Variants in GRIA2 observed in about 807,000 individuals in gnomAD.
The protein encoded by GRIA2 is glutamate ionotropic receptor AMPA type subunit 2, also known as glutamate receptor 2.
GRIA2 carries 14 observed loss-of-function variants against 97.3 expected under a neutral mutation model. The ratio of observed to expected loss-of-function variants is 0.14; its 90% confidence interval spans 0.10 to 0.23. The LOEUF (loss-of-function observed/expected upper bound fraction) is 0.23. GRIA2 is among the 10% of genes least tolerant of loss of function. GRIA2 has a pLI of 1.00. For synonymous variants in GRIA2, 412 were observed against 387.8 expected, an observed-to-expected ratio of 1.06 and a Z score of -0.73; for missense variants, 558 against 1,069.8, an observed-to-expected ratio of 0.52 and a Z score of 6.67.
intron 12 of GRIA2, among the ~76,000 whole-genome samples, chr4:157,353,133 A>C (rs1736090516): frequency 6.6e-6 from 1 of 151,724 alleles, no homozygotes; most frequent in South Asian, 2.1e-4. Flanking sequence ...TGGGTGGATC[A>C]CCTGAGGTCG....
chr4:157,272,476 T>C (rs1732077736), intron 2 of GRIA2, among the ~76,000 whole-genome samples: 1 of 151,888 alleles, frequency 6.6e-6, no homozygotes. Flanking sequence ...TGGACTGTAA[T>C]TGAAAAATTG....
chr4:157,221,857 C>A (rs763718575), intron 2 of GRIA2, 50 bp downstream of exon 2: 5 of 1,562,922 alleles, frequency 3.2e-6, no homozygotes, highest in Admixed American at 1.7e-5. Context: ...GGAAGGCCAG[C>A]GAGTGTGAGT....
At chr4:157,259,025 C>T (rs929592297) in intron 2 of GRIA2, among the ~76,000 whole-genome samples, 8 of 152,050 alleles carry the variant, frequency 5.3e-5, no homozygotes, top group African/African-American at 1.4e-4. Context: ...AGTTCGAGAC[C>T]AGCCTGGGTA....
At chr4:157,320,919 C>T (rs1734533037) in intron 5 of GRIA2, among the ~76,000 whole-genome samples, 1 of 151,950 alleles carries the variant, frequency 6.6e-6, no homozygotes, top group Non-Finnish European at 1.5e-5. Context: ...AAATTAGCTT[C>T]TGGCTGAATG....
At chr4:157,307,569 T>A (rs1733897272) in intron 3 of GRIA2, among the ~76,000 whole-genome samples, 1 of 152,184 alleles carries the variant, frequency 6.6e-6, no homozygotes, top group Admixed American at 6.5e-5. Context: ...ATTCAACACA[T>A]TTTTAACAAT....
chr4:157,351,123 C>T (rs1426447346), intron 12 of GRIA2, among the ~76,000 whole-genome samples: 1 of 151,970 alleles, frequency 6.6e-6, no homozygotes, highest in Non-Finnish European at 1.5e-5. Flanking sequence ...CTGTTGAAAT[C>T]AGCATTTGTA....
chr4:157,269,185 G>T (rs760169469), intron 2 of GRIA2, among the ~76,000 whole-genome samples: 25 of 151,852 alleles, frequency 1.6e-4, no homozygotes, highest in Non-Finnish European at 3.1e-4. Context: ...ACATGGAAAA[G>T]AAGATGAAAA....
intron 2 of GRIA2, among the ~76,000 whole-genome samples, chr4:157,247,640 AGGGTTATTTCGG>A (rs1730791310): frequency 6.6e-6 from 1 of 152,092 alleles, no homozygotes; most frequent in Admixed American, 6.5e-5. Context: ...TTCTGGCTGG[AGGGTTATTTCGG>A]GGGAGGCAGT....
chr4:157,250,327 G>A (rs1730965773), intron 2 of GRIA2, among the ~76,000 whole-genome samples: 1 of 152,058 alleles, frequency 6.6e-6, no homozygotes, highest in African/African-American at 2.4e-5. Context: ...TATCTTAGGA[G>A]ACTAATGCCA....
At chr4:157,351,025 T>C (rs2126971792) in intron 12 of GRIA2, among the ~76,000 whole-genome samples, 1 of 151,820 alleles carries the variant, frequency 6.6e-6, no homozygotes, top group Admixed American at 6.6e-5. Flanking sequence ...ATTTGAAATA[T>C]TTGTCATGTA....
At chr4:157,338,595 T>A (rs1442430303) in intron 11 of GRIA2, among the ~76,000 whole-genome samples, 1 of 152,098 alleles carries the variant, frequency 6.6e-6, no homozygotes, top group Admixed American at 6.6e-5. Flanking sequence ...TCTGTGCTTT[T>A]GATTTCATTC....
At chr4:157,279,804 GT>G (rs953925467) in intron 2 of GRIA2, among the ~76,000 whole-genome samples, 8 of 152,154 alleles carry the variant, frequency 5.3e-5, no homozygotes, top group Middle Eastern at 3.4e-3. Context: ...TTTGTTTCTT[GT>G]TGGAATAATC....
rs533806574 is a variant in GRIA2, at chr4:157,323,931, G to A, written c.882+2332G>A. On this transcript the variant is annotated intron_variant, in intron 6 of 15. Coordinates refer to ENST00000264426, the MANE Select transcript of GRIA2 (RefSeq NM_001083619.3). ...CAGAGAGATCATTATGCTTCTTCAC[G>A]GTGAGGTGTTTCAGAGAACCTAGAC... Among the ~76,000 whole-genome samples, 36 of 152,098 alleles carry A rather than the reference G, an allele frequency of 2.4e-4. 1 individual carries two copies. The highest frequency in any genetic ancestry group is 8.4e-4 in the African/African-American group (35 of 41,490).
intron 3 of GRIA2, among the ~76,000 whole-genome samples, chr4:157,305,600 G>A (rs544020290): frequency 1.3e-5 from 2 of 152,056 alleles, no homozygotes; most frequent in South Asian, 2.1e-4. Flanking sequence ...AAATCCATTT[G>A]ACCTTCTTTC....
chr4:157,355,696 A>G (rs1428065398), intron 12 of GRIA2, among the ~76,000 whole-genome samples: 2 of 45,686 alleles, frequency 4.4e-5, no homozygotes, highest in Non-Finnish European at 6.3e-5. Flanking sequence ...ATATTTATTT[A>G]TATATATTTG....
At chr4:157,232,354 G>C (rs932318059) in intron 2 of GRIA2, among the ~76,000 whole-genome samples, 18 of 152,144 alleles carry the variant, frequency 1.2e-4, no homozygotes, top group Admixed American at 1.0e-3. Flanking sequence ...GCTTTGCTAG[G>C]TTTTCTTGAG....
chr4:157,243,106 A>G (rs887082199), intron 2 of GRIA2, among the ~76,000 whole-genome samples: 13 of 152,090 alleles, frequency 8.5e-5, no homozygotes, highest in African/African-American at 3.1e-4. Context: ...GCCTTGTTTG[A>G]TCTCAGCTGG....
chr4:157,236,901 G>A (rs1440246559), intron 2 of GRIA2, among the ~76,000 whole-genome samples: 1 of 152,104 alleles, frequency 6.6e-6, no homozygotes, highest in East Asian at 1.9e-4. Context: ...CACTTGTGAT[G>A]TGTTTCAGCT....
At chr4:157,224,160 C>G (rs1273676556) in intron 2 of GRIA2, among the ~76,000 whole-genome samples, 1 of 152,060 alleles carries the variant, frequency 6.6e-6, no homozygotes, top group Admixed American at 6.5e-5. Flanking sequence ...AGTTTTTTCC[C>G]CTCCTCAGGA....
Sources: gnomAD v4.1 joint callset for allele counts (sites outside exome capture counted in the v4.1 genomes callset) on GRCh38, gnomAD v4.1.1 for gene constraint, MANE v1.5 for transcripts, NCBI Gene and HGNC (gene_info 2026-07-23, HGNC 2026-07-21) for gene names.